TGFA: variants seen among roughly 807,000 people sequenced by gnomAD.
TGFA encodes the protein protransforming growth factor alpha.
TGFA carries 12 observed loss-of-function variants against 21.7 expected under a neutral mutation model. That is an observed-to-expected ratio of 0.55 (90% confidence interval 0.35 to 0.90). The LOEUF is 0.90. TGFA is among the 40% of genes least tolerant of loss of function. The probability of loss-of-function intolerance (pLI) is 0.01; values close to 1 mark genes in which losing one functional copy is unlikely to be tolerated. For missense variants in TGFA, 178 were observed against 210.8 expected, an observed-to-expected ratio of 0.84 and a Z score of 0.96; for synonymous variants, 79 against 88.1, an observed-to-expected ratio of 0.90 and a Z score of 0.58.
intron 1 of TGFA, among the ~76,000 whole-genome samples, chr2:70,547,773 A>G (rs1026436899): frequency 6.8e-6 from 1 of 147,778 alleles, no homozygotes; most frequent in Non-Finnish European, 1.5e-5. Context: ...TATATGCTAT[A>G]TATGTAATAT....
intron 2 of TGFA, among the ~76,000 whole-genome samples, chr2:70,472,118 A>AT (rs1553493424): frequency 6.6e-6 from 1 of 152,080 alleles, no homozygotes; most frequent in Admixed American, 6.5e-5. Flanking sequence ...GAGACTTAAA[A>AT]TTTAAAAAAA....
At chr2:70,451,554 C>T (rs1376242404) in intron 5 of TGFA, among the ~76,000 whole-genome samples, 1 of 152,134 alleles carries the variant, frequency 6.6e-6, no homozygotes, top group Non-Finnish European at 1.5e-5. Flanking sequence ...CATCCCCAGG[C>T]TTAGAGCTAA....
intron 1 of TGFA, among the ~76,000 whole-genome samples, chr2:70,534,321 CTAAAAGTGTTAAAG>C (rs1672909227): frequency 6.6e-6 from 1 of 152,070 alleles, no homozygotes; most frequent in Non-Finnish European, 1.5e-5. Context: ...CTGTGAAGAA[CTAAAAGTGTTAAAG>C]TAAAAGTGTT....
intron 1 of TGFA, among the ~76,000 whole-genome samples, chr2:70,530,553 G>A (rs534870586): frequency 2.7e-4 from 41 of 152,236 alleles, no homozygotes; most frequent in Admixed American, 1.0e-3. Context: ...TTTGTGTTGG[G>A]CCACATTCAA....
At chr2:70,497,246 G>T (rs1481686162) in intron 2 of TGFA, among the ~76,000 whole-genome samples, 1 of 152,236 alleles carries the variant, frequency 6.6e-6, no homozygotes, top group South Asian at 2.1e-4. Context: ...TTTACTCTGA[G>T]AGTATGTTAC....
intron 2 of TGFA, among the ~76,000 whole-genome samples, chr2:70,495,327 T>C (rs1269472426): frequency 6.6e-6 from 1 of 152,230 alleles, no homozygotes; most frequent in Non-Finnish European, 1.5e-5. Context: ...TTTCAGTGTT[T>C]TAATGTTTAT....
intron 2 of TGFA, among the ~76,000 whole-genome samples, chr2:70,473,974 T>G (rs1439084856): frequency 1.3e-5 from 2 of 152,220 alleles, no homozygotes; most frequent in African/African-American, 2.4e-5. Flanking sequence ...CACAATTTAC[T>G]GAGAGAACTC....
At chr2:70,504,473 CATACATACAT>C (rs1320847744) in intron 2 of TGFA, among the ~76,000 whole-genome samples, 84 of 78,758 alleles carry the variant, frequency 1.1e-3, no homozygotes, top group African/African-American at 3.4e-3. Flanking sequence ...TACACACATA[CATACATACAT>C]ACACACACAC....
intron 2 of TGFA, among the ~76,000 whole-genome samples, chr2:70,471,519 CTG>C (rs1559106373): frequency 6.6e-6 from 1 of 152,204 alleles, no homozygotes; most frequent in Non-Finnish European, 1.5e-5. Context: ...GGCGGAGTAA[CTG>C]TTCTCATTTG....
intron 1 of TGFA, among the ~76,000 whole-genome samples, chr2:70,534,178 G>C (rs962081290): frequency 1.3e-5 from 2 of 152,188 alleles, no homozygotes; most frequent in East Asian, 3.8e-4. Flanking sequence ...GTTCTCATCT[G>C]CTGTTCCTTC....
At chr2:70,498,626 G>A (rs1671645223) in intron 2 of TGFA, among the ~76,000 whole-genome samples, 1 of 152,236 alleles carries the variant, frequency 6.6e-6, no homozygotes, top group Non-Finnish European at 1.5e-5. Flanking sequence ...CAGGTGCAAA[G>A]GTGTGGTGGA....
chr2:70,507,166 A>T (rs1394346820), intron 2 of TGFA, among the ~76,000 whole-genome samples: 4 of 152,220 alleles, frequency 2.6e-5, no homozygotes, highest in Non-Finnish European at 5.9e-5. Context: ...GTACTGCCTG[A>T]GCCTCGGAGC....
chr2:70,515,028 C>T (rs1171701510), intron 1 of TGFA, 116 bp from the exon 2 acceptor site: 80 of 859,206 alleles, frequency 9.3e-5, no homozygotes, highest in Non-Finnish European at 5.5e-6. Flanking sequence ...CACAGAGTGG[C>T]CGGTAGACAG....
intron 1 of TGFA, among the ~76,000 whole-genome samples, chr2:70,527,711 G>A (rs115016419): frequency 0.013 from 2,000 of 152,304 alleles, 52 homozygotes; most frequent in African/African-American, 0.045. Context: ...AATAACAGGT[G>A]AAACTATGCA....
Position 70,526,463 on chromosome 2 carries a change from C to T in TGFA, c.41-11551G>A, listed in dbSNP as rs112820974. Reference sequence around the variant, plus strand: ...GGTCAATACATGTTCTTACCAGCCACGTGTAGCAAAGCTGTTCAGTTAATG... The same window carrying T: ...GGTCAATACATGTTCTTACCAGCCATGTGTAGCAAAGCTGTTCAGTTAATG... On this transcript the variant is annotated intron_variant, in intron 1 of 5. Coordinates refer to ENST00000295400, the MANE Select transcript of TGFA (RefSeq NM_003236.4). Among the ~76,000 whole-genome samples, 1,065 of 152,268 alleles carry T rather than the reference C, an allele frequency of 7.0e-3. 21 individuals are homozygous for T. The highest frequency in any genetic ancestry group is 0.024 in the African/African-American group (990 of 41,550).
At position 70,450,632 on chromosome 2, in the gene TGFA, CT is replaced by C. The variant is rs1670024023; in HGVS notation, c.*226del. On this transcript the variant is annotated 3_prime_UTR_variant, in exon 6 of 6. Coordinates refer to ENST00000295400, the MANE Select transcript of TGFA (RefSeq NM_003236.4). ...TCTTTGCAGTTCTTTTTTAACAAGT[CT>C]TGAAATCGTGGTCCGCTGATTTCTT... 5.4e-6 allele frequency: 3 copies of C among 552,308 alleles called. No individual in the cohort carries two copies. The highest frequency in any genetic ancestry group is 9.8e-6 in the Non-Finnish European group (3 of 305,314). The allele number at this position is 552,308 out of a possible 1,614,324, so 34.2% of individuals were successfully genotyped here. A position where few individuals can be genotyped will look rare whatever the true frequency, so the allele number is the denominator to read the frequency against.
intron 1 of TGFA, among the ~76,000 whole-genome samples, chr2:70,550,819 TCAAAAAA>T (rs1673478670): frequency 6.6e-6 from 1 of 152,134 alleles, no homozygotes; most frequent in Non-Finnish European, 1.5e-5. Context: ...AGACTCCGTC[TCAAAAAA>T]CAAAAAACCA....
intron 2 of TGFA, among the ~76,000 whole-genome samples, chr2:70,504,483 T>TACACACACACACAC (rs58997765): frequency 1.1e-5 from 1 of 92,096 alleles, no homozygotes; most frequent in African/African-American, 4.4e-5. Flanking sequence ...CATACATACA[T>TACACACACACACAC]ACACACACAC....
intron 2 of TGFA, among the ~76,000 whole-genome samples, chr2:70,470,229 A>C (rs1574078729): frequency 6.6e-6 from 1 of 152,010 alleles, no homozygotes. Flanking sequence ...TGAGAGAGGG[A>C]AGGAGAGATT....
Sources: gnomAD v4.1 joint callset for allele counts (sites outside exome capture counted in the v4.1 genomes callset) on GRCh38, gnomAD v4.1.1 for gene constraint, MANE v1.5 for transcripts, NCBI Gene and HGNC (gene_info 2026-07-23, HGNC 2026-07-21) for gene names.